Variants in MGAT4C observed in about 807,000 individuals in gnomAD.
MGAT4C encodes MGAT4 family member C.
Under a neutral mutation model 40.1 loss-of-function variants are expected in MGAT4C, and 19 were observed. The observed-to-expected ratio is 0.47, with a 90% confidence interval of 0.33 to 0.70. The LOEUF (loss-of-function observed/expected upper bound fraction) is 0.70, where lower values mean the gene tolerates loss of function less well. Ranked by LOEUF, MGAT4C falls within the 30% of genes least tolerant of loss-of-function variation. The pLI, the probability that MGAT4C is intolerant of heterozygous loss-of-function variation, is 0.02. For missense variants in MGAT4C, 491 were observed against 563.2 expected (o/e 0.87, Z 1.30); for synonymous variants, 181 against 187.1 (o/e 0.97, Z 0.27).
chr12:86,329,047 G>C (rs1954591173), intron 4 of MGAT4C, among the ~76,000 whole-genome samples: 1 of 151,358 alleles, frequency 6.6e-6, no homozygotes, highest in African/African-American at 2.4e-5. Context: ...AGGTTGCAGT[G>C]AGCCAAGACC....
intron 1 of MGAT4C, among the ~76,000 whole-genome samples, chr12:86,139,946 C>G (rs1882595484): frequency 6.6e-6 from 1 of 152,200 alleles, no homozygotes. Flanking sequence ...CAAACCTTGC[C>G]TAAAAGCCTT....
In MGAT4C at chr12:86,639,274, T is replaced by C. The variant is rs1027335741; in HGVS notation, c.-229+87935A>G. On this transcript the variant is annotated intron_variant, in intron 2 of 7. Transcript: ENST00000548651. ...ATTTGTCTCTGTGTATTGATTTACA[T>C]TTTACATCAGGCAATCTATTCTTTA... is the stretch of plus-strand genomic sequence containing the variant. Among the ~76,000 whole-genome samples, 8 of 151,912 alleles carry C rather than the reference T, an allele frequency of 5.3e-5. No individual in the cohort carries two copies. In the East Asian group the frequency reaches 9.7e-4, roughly 18 times the overall value.
At chr12:86,114,131 T>G (rs1173775299) in intron 1 of MGAT4C, among the ~76,000 whole-genome samples, 1 of 151,918 alleles carries the variant, frequency 6.6e-6, no homozygotes, top group Non-Finnish European at 1.5e-5. Flanking sequence ...CATCTACTCT[T>G]ATAGTTTCAA....
At chr12:86,285,754 A>G (rs1319986527) in intron 4 of MGAT4C, among the ~76,000 whole-genome samples, 2 of 152,010 alleles carry the variant, frequency 1.3e-5, no homozygotes, top group Non-Finnish European at 2.9e-5. Flanking sequence ...AGTTATGCTC[A>G]TGTCCATAAA....
At position 85,962,203 on chromosome 12, in the gene MGAT4C, A is replaced by C. The variant is rs1232874680; in HGVS notation, c.*17086T>G. 1 of 151,792 alleles carries C rather than the reference A, an allele frequency of 6.6e-6. No individual in the cohort carries two copies. Among genetic ancestry groups the C allele is most frequent in the East Asian group, 1.9e-4 (1 of 5,180 alleles). The allele number at this position is 151,792 out of a possible 1,614,324, so 9.4% of individuals were successfully genotyped here. A position where few individuals can be genotyped will look rare whatever the true frequency, so the allele number is the denominator to read the frequency against. On this transcript the variant is annotated 3_prime_UTR_variant, in exon 5 of 5. Coordinates refer to ENST00000611864, the MANE Select transcript of MGAT4C (RefSeq NM_001351288.2). ...TTGTAGGACTGTAGATTGTCATCTC[A>C]AGATCAGTGTCAAATACATTCATTC... is the stretch of plus-strand genomic sequence containing the variant.
intron 1 of MGAT4C, among the ~76,000 whole-genome samples, chr12:86,116,281 G>T (rs1878406459): frequency 6.6e-6 from 1 of 151,918 alleles, no homozygotes; most frequent in Non-Finnish European, 1.5e-5. Flanking sequence ...CGGGCACTCT[G>T]ACTTCTCTAT....
intron 1 of MGAT4C, among the ~76,000 whole-genome samples, chr12:86,113,310 T>G (rs1229945901): frequency 6.6e-6 from 1 of 151,834 alleles, no homozygotes; most frequent in Admixed American, 6.6e-5. Context: ...GCAATATTGA[T>G]GTAGAGATAA....
intron 2 of MGAT4C, among the ~76,000 whole-genome samples, chr12:86,504,056 A>G (rs1958425512): frequency 2.0e-5 from 3 of 151,678 alleles, no homozygotes; most frequent in Non-Finnish European, 4.4e-5. Flanking sequence ...CAAATGGCCA[A>G]CAAACCTAAG....
At chr12:86,407,667 A>G (rs1393427463) in intron 3 of MGAT4C, among the ~76,000 whole-genome samples, 2 of 151,942 alleles carry the variant, frequency 1.3e-5, no homozygotes, top group Non-Finnish European at 2.9e-5. Flanking sequence ...CCTCAGGTGC[A>G]ATTTGATTCA....
chr12:86,446,406 T>G (rs920760045), intron 2 of MGAT4C, among the ~76,000 whole-genome samples: 8 of 151,882 alleles, frequency 5.3e-5, no homozygotes, highest in African/African-American at 1.9e-4. Flanking sequence ...GATATTTATG[T>G]GTATTCATTT....
At chr12:86,446,092 C>A (rs540106979) in intron 2 of MGAT4C, among the ~76,000 whole-genome samples, 35 of 152,060 alleles carry the variant, frequency 2.3e-4, no homozygotes, top group Non-Finnish European at 1.6e-4. Context: ...TATATGCACA[C>A]ATATAGCTAC....
chr12:86,627,705 A>G (rs1367593797), intron 2 of MGAT4C, among the ~76,000 whole-genome samples: 1 of 152,204 alleles, frequency 6.6e-6, no homozygotes, highest in African/African-American at 2.4e-5. Flanking sequence ...TAACATCAAC[A>G]AAAAGGACAT....
At chr12:86,374,913 C>A (rs1406950091) in intron 3 of MGAT4C, among the ~76,000 whole-genome samples, 11 of 152,106 alleles carry the variant, frequency 7.2e-5, no homozygotes. Flanking sequence ...CAGAAAGATA[C>A]ACTAGATCTT....
At chr12:86,391,731 G>C (rs1956163777) in intron 3 of MGAT4C, among the ~76,000 whole-genome samples, 2 of 152,200 alleles carry the variant, frequency 1.3e-5, no homozygotes, top group South Asian at 4.2e-4. Flanking sequence ...ATGGTGGCGG[G>C]TGCCTGTAGT....
At chr12:86,786,282 AAAGAAATCTGC>A (rs1451701418) in intron 1 of MGAT4C, among the ~76,000 whole-genome samples, 3 of 152,166 alleles carry the variant, frequency 2.0e-5, no homozygotes, top group African/African-American at 7.2e-5. Context: ...GTTTCTAACA[AAAGAAATCTGC>A]TAGAAATCTG....
At chr12:86,441,327 T>G (rs1957222622) in intron 2 of MGAT4C, among the ~76,000 whole-genome samples, 1 of 132,628 alleles carries the variant, frequency 7.5e-6, no homozygotes, top group African/African-American at 2.6e-5. Context: ...ACCAACTGAT[T>G]TTTTTTATTA....
intron 1 of MGAT4C, among the ~76,000 whole-genome samples, chr12:86,238,180 T>C (rs1951634087): frequency 1.3e-5 from 2 of 151,938 alleles, no homozygotes; most frequent in Admixed American, 6.6e-5. Context: ...AAGGGGTATG[T>C]AAATCCTTCA....
chr12:86,264,594 C>A lies in MGAT4C; in HGVS notation c.-57+69471G>T, dbSNP rs562124347. Among the ~76,000 whole-genome samples, 66 of 152,288 alleles carry A rather than the reference C, an allele frequency of 4.3e-4. 1 individual carries two copies. The highest frequency in any genetic ancestry group is 1.6e-3 in the African/African-American group (65 of 41,574). ...GCTTCCCAGGTGAAGCTGCAGCCAC[C>A]CAGCTGTGTGTGCGGACCCGGGCAT... On this transcript the variant is annotated intron_variant, in intron 4 of 7. Coordinates refer to the MGAT4C transcript ENST00000548651.
intron 4 of MGAT4C, among the ~76,000 whole-genome samples, chr12:86,282,335 T>C (rs1013155420): frequency 3.9e-5 from 6 of 152,126 alleles, no homozygotes; most frequent in Admixed American, 2.6e-4. Context: ...TAATTTCTTA[T>C]ACAATATTCT....
Sources: gnomAD v4.1 joint callset for allele counts (sites outside exome capture counted in the v4.1 genomes callset) on GRCh38, gnomAD v4.1.1 for gene constraint, MANE v1.5 for transcripts, NCBI Gene and HGNC (gene_info 2026-07-23, HGNC 2026-07-21) for gene names.